The following TSPAN5 variants were observed in gnomAD, a reference collection of about 807,000 sequenced individuals.
TSPAN5 encodes tetraspanin 5, also known as tetraspanin-5.
Under a neutral mutation model 37.1 loss-of-function variants are expected in TSPAN5, and 10 were observed. The observed-to-expected ratio is 0.27, with a 90% CI of 0.17 to 0.46. The LOEUF (loss-of-function observed/expected upper bound fraction) is 0.46. Ranked by LOEUF, TSPAN5 falls within the 20% of genes least tolerant of loss-of-function variation. The pLI is 1.00. For missense variants in TSPAN5, 195 were observed against 326.6 expected, an observed-to-expected ratio of 0.60 and a Z score of 3.11; for synonymous variants, 110 against 118.9, an observed-to-expected ratio of 0.93 and a Z score of 0.48.
intron 2 of TSPAN5, among the ~76,000 whole-genome samples, chr4:98,489,451 G>A (rs1185843945): frequency 1.3e-5 from 2 of 152,212 alleles, no homozygotes; most frequent in Admixed American, 6.5e-5. Flanking sequence ...CATTCAAGCA[G>A]GGAGTGGGCA....
At chr4:98,608,700 G>T (rs1756101506) in intron 1 of TSPAN5, among the ~76,000 whole-genome samples, 2 of 151,862 alleles carry the variant, frequency 1.3e-5, no homozygotes, top group African/African-American at 4.8e-5. Context: ...GCCACTGTTA[G>T]GGGGGAAATA....
chr4:98,637,786 C>T (rs769392875), intron 1 of TSPAN5, among the ~76,000 whole-genome samples: 1 of 152,176 alleles, frequency 6.6e-6, no homozygotes, highest in Non-Finnish European at 1.5e-5. Flanking sequence ...TTCTCTAAAT[C>T]GCCCAAACCA....
intron 1 of TSPAN5, among the ~76,000 whole-genome samples, chr4:98,570,967 G>C (rs367808315): frequency 2.6e-4 from 39 of 151,462 alleles, no homozygotes; most frequent in African/African-American, 9.2e-4. Flanking sequence ...AGCCGAGATC[G>C]CGCCACTACG....
chr4:98,658,055 T>C, intron 1 of TSPAN5, 91 bp downstream of exon 1: 2 of 1,163,974 alleles, frequency 1.7e-6, no homozygotes, highest in Non-Finnish European at 1.3e-6. Context: ...CCTGCGGGGC[T>C]GCGAAAAGTA....
intron 2 of TSPAN5, among the ~76,000 whole-genome samples, chr4:98,498,283 G>A (rs902973354): frequency 6.6e-6 from 1 of 152,142 alleles, no homozygotes; most frequent in African/African-American, 2.4e-5. Flanking sequence ...CTGAGCCTGG[G>A]CCGCCTGACC....
rs117123390 is a variant in TSPAN5 at position 98,656,255 on chromosome 4, C to G, written c.81+1891G>C. ...ACTCCACAGAATTACAGCAAACTGTCAGGGAAACAGACCCAAATCCTTTTA... is the reference window on the plus strand; with the variant it reads ...ACTCCACAGAATTACAGCAAACTGTGAGGGAAACAGACCCAAATCCTTTTA... On this transcript the variant is annotated intron_variant, in intron 1 of 7. Transcript: ENST00000305798. Among the ~76,000 whole-genome samples, 425 of 152,308 alleles carry G rather than the reference C, an allele frequency of 2.8e-3. 10 individuals carry two copies. The East Asian group carries it at 0.07, about 25-fold the overall frequency.
chr4:98,553,946 A>G (rs2110158721), intron 1 of TSPAN5, among the ~76,000 whole-genome samples: 1 of 152,268 alleles, frequency 6.6e-6, no homozygotes, highest in South Asian at 2.1e-4. Flanking sequence ...AGGCGCCTGT[A>G]ATCCCAGCTA....
chr4:98,615,093 G>A lies in TSPAN5; in HGVS notation c.81+43053C>T, dbSNP rs942770937. Among the ~76,000 whole-genome samples the A allele has an allele frequency of 3.3e-5, 5 of 152,154 alleles. No homozygotes were observed. The South Asian group carries it at 8.3e-4, about 25-fold the overall frequency. ...CAACCCCCCAGTGCTGCCTTGGATC[G>A]GGAACCACGTGACAGCCCATACCTG... is the stretch of plus-strand genomic sequence containing the variant. On this transcript the variant is annotated intron_variant, in intron 1 of 7. Coordinates refer to ENST00000305798, the MANE Select transcript of TSPAN5 (RefSeq NM_005723.4).
At chr4:98,526,021 C>A (rs1017858303) in intron 1 of TSPAN5, among the ~76,000 whole-genome samples, 1 of 152,094 alleles carries the variant, frequency 6.6e-6, no homozygotes, top group Non-Finnish European at 1.5e-5. Flanking sequence ...TACAGATCAC[C>A]GTGTACATAC....
chr4:98,571,731 T>C (rs757352570), intron 1 of TSPAN5, among the ~76,000 whole-genome samples: 1 of 152,048 alleles, frequency 6.6e-6, no homozygotes, highest in Non-Finnish European at 1.5e-5. Context: ...GTATGTAAAA[T>C]GGGCATCAAA....
intron 2 of TSPAN5, among the ~76,000 whole-genome samples, chr4:98,498,481 T>C (rs1004094254): frequency 6.6e-6 from 1 of 152,074 alleles, no homozygotes; most frequent in African/African-American, 2.4e-5. Context: ...CCAAAGTGAG[T>C]AGGAGACAAG....
At chr4:98,608,704 G>T (rs575126581) in intron 1 of TSPAN5, among the ~76,000 whole-genome samples, 2 of 152,206 alleles carry the variant, frequency 1.3e-5, no homozygotes, top group South Asian at 4.2e-4. Flanking sequence ...CTGTTAGGGG[G>T]GAAATAGACT....
chr4:98,616,137 G>A (rs761796349), intron 1 of TSPAN5, among the ~76,000 whole-genome samples: 21 of 151,768 alleles, frequency 1.4e-4, no homozygotes, highest in African/African-American at 5.1e-4. Context: ...CAGTCCCCAC[G>A]TTAGCTCAAC....
At chr4:98,600,746 G>A (rs1354860328) in intron 1 of TSPAN5, among the ~76,000 whole-genome samples, 1 of 152,096 alleles carries the variant, frequency 6.6e-6, no homozygotes, top group East Asian at 1.9e-4. Context: ...CCCAACACCA[G>A]TTAATATTTA....
intron 1 of TSPAN5, among the ~76,000 whole-genome samples, chr4:98,582,105 G>A (rs1279962450): frequency 2.6e-5 from 4 of 152,190 alleles, no homozygotes; most frequent in African/African-American, 9.7e-5. Context: ...AATGAAGGTT[G>A]CCAGGTGGAA....
intron 1 of TSPAN5, among the ~76,000 whole-genome samples, chr4:98,562,381 G>A (rs1754898829): frequency 6.6e-6 from 1 of 152,162 alleles, no homozygotes; most frequent in Non-Finnish European, 1.5e-5. Context: ...GAAAATCACA[G>A]GCCGGGTGCG....
chr4:98,521,041 C>T (rs1188828899), intron 1 of TSPAN5, among the ~76,000 whole-genome samples: 1 of 152,194 alleles, frequency 6.6e-6, no homozygotes, highest in Non-Finnish European at 1.5e-5. Flanking sequence ...AAGCGATTCT[C>T]CTGCCTCAGC....
intron 2 of TSPAN5, among the ~76,000 whole-genome samples, chr4:98,491,922 C>A (rs1237301674): frequency 1.3e-5 from 2 of 151,536 alleles, no homozygotes; most frequent in African/African-American, 4.9e-5. Context: ...GAAAAAAAAT[C>A]TAAGATTACA....
chr4:98,563,730 G>A (rs1050635706), intron 1 of TSPAN5, among the ~76,000 whole-genome samples: 1 of 152,218 alleles, frequency 6.6e-6, no homozygotes, highest in Non-Finnish European at 1.5e-5. Flanking sequence ...ATGCTAGTGA[G>A]TTTCTATAGC....
Sources: gnomAD v4.1 joint callset for allele counts (sites outside exome capture counted in the v4.1 genomes callset) on GRCh38, gnomAD v4.1.1 for gene constraint, MANE v1.5 for transcripts, NCBI Gene and HGNC (gene_info 2026-07-23, HGNC 2026-07-21) for gene names.